UNC5D: variants seen among roughly 807,000 people sequenced by gnomAD.
UNC5D encodes the protein netrin receptor UNC5D.
Under a neutral mutation model 105.4 loss-of-function variants are expected in UNC5D, and 39 were observed. The observed-to-expected ratio is 0.37, with a 90% CI of 0.29 to 0.48. The LOEUF (loss-of-function observed/expected upper bound fraction) is 0.48, where lower values mean the gene tolerates loss of function less well. Among genes scored for constraint, UNC5D ranks in the 20% least tolerant of loss-of-function variants. The pLI, the probability that UNC5D is intolerant of heterozygous loss-of-function variation, is 0.98. For synonymous variants in UNC5D, 452 were observed against 450.4 expected (o/e 1.00, Z -0.04); for missense variants, 991 against 1,202.4 (o/e 0.82, Z 2.60).
intron 1 of UNC5D, among the ~76,000 whole-genome samples, chr8:35,285,468 T>A (rs191424646): frequency 2.2e-3 from 331 of 152,356 alleles, no homozygotes; most frequent in Admixed American, 4.2e-3. Flanking sequence ...TCTATGAATA[T>A]GTGAATAACG....
chr8:35,624,385 A>C (rs770869409), intron 4 of UNC5D, among the ~76,000 whole-genome samples: 1 of 152,206 alleles, frequency 6.6e-6, no homozygotes, highest in African/African-American at 2.4e-5. Context: ...GGTGAAGATG[A>C]CTGGTGTTTA....
chr8:35,701,296 A>G (rs889504213), intron 7 of UNC5D, among the ~76,000 whole-genome samples: 2 of 152,192 alleles, frequency 1.3e-5, no homozygotes, highest in Admixed American at 1.3e-4. Flanking sequence ...ATTTCAAGTA[A>G]TCACCAGCTA....
chr8:35,281,350 T>C (rs986375910), intron 1 of UNC5D, among the ~76,000 whole-genome samples: 4 of 152,294 alleles, frequency 2.6e-5, no homozygotes, highest in Non-Finnish European at 5.9e-5. Context: ...GCTATACCTA[T>C]GTTACTGAGT....
intron 1 of UNC5D, among the ~76,000 whole-genome samples, chr8:35,532,484 T>C (rs1563507099): frequency 1.2e-5 from 1 of 85,252 alleles, no homozygotes; most frequent in Non-Finnish European, 2.3e-5. Context: ...TTAACATTTT[T>C]TCCTTCATTT....
At chr8:35,238,630 T>A (rs1802617041) in intron 1 of UNC5D, among the ~76,000 whole-genome samples, 1 of 152,134 alleles carries the variant, frequency 6.6e-6, no homozygotes, top group East Asian at 1.9e-4. Flanking sequence ...TTCATCTGCT[T>A]GTTATTTTTG....
intron 2 of UNC5D, 80 bp from the exon 3 acceptor site, chr8:35,568,018 A>C: frequency 6.5e-7 from 1 of 1,547,452 alleles, no homozygotes; most frequent in Non-Finnish European, 8.7e-7. Flanking sequence ...TTAAAAAGAA[A>C]AGGTTTGGCT....
At chr8:35,497,652 G>GAA (rs76646347) in intron 1 of UNC5D, among the ~76,000 whole-genome samples, 2 of 142,856 alleles carry the variant, frequency 1.4e-5, no homozygotes, top group Admixed American at 6.9e-5. Context: ...GAGCATGGAT[G>GAA]AAAAAAAAAA....
intron 1 of UNC5D, among the ~76,000 whole-genome samples, chr8:35,333,634 C>A (rs564785099): frequency 6.6e-6 from 1 of 152,146 alleles, no homozygotes; most frequent in African/African-American, 2.4e-5. Context: ...CACTTTCCCC[C>A]ACGCCCGGCT....
chr8:35,341,887 A>T (rs1811480828), intron 1 of UNC5D, among the ~76,000 whole-genome samples: 1 of 152,124 alleles, frequency 6.6e-6, no homozygotes, highest in African/African-American at 2.4e-5. Context: ...TCTTTTTGCA[A>T]CATTTTTATA....
At chr8:35,587,403 C>G (rs1205389596) in intron 3 of UNC5D, among the ~76,000 whole-genome samples, 1 of 152,162 alleles carries the variant, frequency 6.6e-6, no homozygotes, top group African/African-American at 2.4e-5. Context: ...TCCTAGTCAT[C>G]TTAACTGCCA....
intron 1 of UNC5D, among the ~76,000 whole-genome samples, chr8:35,348,569 C>T (rs1327960268): frequency 6.6e-6 from 1 of 151,648 alleles, no homozygotes; most frequent in Non-Finnish European, 1.5e-5. Context: ...AGAAAAGGAA[C>T]TTTAAGACTA....
intron 10 of UNC5D, among the ~76,000 whole-genome samples, chr8:35,728,095 A>AT (rs1554596594): frequency 0.015 from 1,679 of 109,326 alleles, 9 homozygotes; most frequent in South Asian, 0.019. Context: ...AAAAAAAAAA[A>AT]ATATATATAT....
At chr8:35,546,114 C>G (rs1255426369) in intron 1 of UNC5D, among the ~76,000 whole-genome samples, 2 of 152,080 alleles carry the variant, frequency 1.3e-5, no homozygotes, top group Non-Finnish European at 2.9e-5. Flanking sequence ...CCAAGCTGTT[C>G]TCAAACTCCT....
rs796382583 is a variant in UNC5D at position 35,341,454 on chromosome 8, G to GT, written c.103+105576dup. ...GAAGGAGCTTGTTTTTTTTTTTTCT[G>GT]TTTTTTTTTGTTTTTTGTTTTTCCA... On this transcript the variant is annotated intron_variant, in intron 1 of 16. Coordinates refer to ENST00000404895, the MANE Select transcript of UNC5D (RefSeq NM_080872.4). 5.5e-3 allele frequency among the ~76,000 whole-genome samples: 804 copies of GT among 145,754 alleles called. 7 individuals carry two copies. Among genetic ancestry groups the GT allele is most frequent in the African/African-American group, 8.9e-3 (353 of 39,806 alleles).
chr8:35,292,473 C>T (rs1221484233), intron 1 of UNC5D, among the ~76,000 whole-genome samples: 2 of 152,078 alleles, frequency 1.3e-5, no homozygotes, highest in African/African-American at 4.8e-5. Flanking sequence ...CAATGTTGGA[C>T]ATTGGTCAAA....
intron 1 of UNC5D, among the ~76,000 whole-genome samples, chr8:35,348,533 A>C (rs944959545): frequency 1.8e-5 from 2 of 110,890 alleles, no homozygotes; most frequent in Non-Finnish European, 3.7e-5. Flanking sequence ...TCAATGTAGA[A>C]TACACCAAGT....
At chr8:35,302,293 A>G (rs1170047951) in intron 1 of UNC5D, among the ~76,000 whole-genome samples, 3 of 152,230 alleles carry the variant, frequency 2.0e-5, no homozygotes, top group African/African-American at 4.8e-5. Flanking sequence ...GAGAAATTCA[A>G]TCTCTCCACT....
chr8:35,415,012 A>G (rs930839533), intron 1 of UNC5D, among the ~76,000 whole-genome samples: 21 of 152,208 alleles, frequency 1.4e-4, no homozygotes, highest in African/African-American at 3.9e-4. Context: ...ACCTTAAGGT[A>G]CCTGTGGGTA....
At chr8:35,356,544 G>C (rs938188956) in intron 1 of UNC5D, among the ~76,000 whole-genome samples, 18 of 152,022 alleles carry the variant, frequency 1.2e-4, no homozygotes, top group Non-Finnish European at 4.4e-5. Flanking sequence ...AGCAAAAGTA[G>C]CATGAATTTC....
Sources: gnomAD v4.1 joint callset for allele counts (sites outside exome capture counted in the v4.1 genomes callset) on GRCh38, gnomAD v4.1.1 for gene constraint, MANE v1.5 for transcripts, NCBI Gene and HGNC (gene_info 2026-07-23, HGNC 2026-07-21) for gene names.